NAPB: variants seen among roughly 807,000 people sequenced by gnomAD.
The protein encoded by NAPB is NSF attachment protein beta.
A neutral mutation model predicts 44.7 loss-of-function variants in NAPB; 26 were observed. That is an observed-to-expected ratio of 0.58 (90% CI 0.43 to 0.81). The LOEUF is 0.81. NAPB is among the 30% of genes least tolerant of loss of function. The pLI, the probability that NAPB is intolerant of heterozygous loss-of-function variation, is 0.00. For synonymous variants in NAPB, 120 were observed against 116.8 expected, an observed-to-expected ratio of 1.03 and a Z score of -0.18; for missense variants, 315 against 356.4, an observed-to-expected ratio of 0.88 and a Z score of 0.94.
intron 1 of NAPB, among the ~76,000 whole-genome samples, chr20:23,417,475 T>C (rs940966383): frequency 3.3e-5 from 5 of 152,172 alleles, no homozygotes; most frequent in African/African-American, 4.8e-5. Context: ...GGGATAGTAT[T>C]ATAAGAGGCT....
rs1982433323 is a variant in NAPB at position 23,375,417 on chromosome 20, C to G, written c.*1959G>C. 6.6e-6 allele frequency: 1 copy of G among 152,150 alleles called. No individual in the cohort carries two copies. The highest frequency in any genetic ancestry group is 1.5e-5 in the Non-Finnish European group (1 of 68,018). 9.4% of individuals were successfully genotyped at this position (152,150 alleles called of 1,614,324 possible). On this transcript the variant is annotated 3_prime_UTR_variant, in exon 11 of 11. Transcript: ENST00000377026. ...AGAAGATTCTTTAAACAAGTAGAAA[C>G]AAACTACTTAAAACCAGAGGACTCA...
At chr20:23,391,786 T>C (rs985770194) in intron 5 of NAPB, among the ~76,000 whole-genome samples, 8 of 152,344 alleles carry the variant, frequency 5.3e-5, no homozygotes, top group African/African-American at 1.9e-4. Context: ...TCTCAAGGAT[T>C]AAAAACCGTA....
chr20:23,402,878 T>G (rs1203607773), intron 2 of NAPB, 115 bp downstream of exon 2: 1 of 748,444 alleles, frequency 1.3e-6, no homozygotes, highest in Non-Finnish European at 2.2e-6. Context: ...TATTCAGCAC[T>G]GACATCTGTC....
chr20:23,397,072 C>T lies in NAPB; in HGVS notation c.295G>A (p.Glu99Lys). Reference protein sequence around the residue: ...GNAYKKADPQEAINCLNAAID... With the variant: ...GNAYKKADPQKAINCLNAAID... ...CATGCTACATGCCTGGCTGTCTTAC[C>T]TTGGGGATCTGCCTTTTTGTAAGCA... Residue 99 changes from glutamate (E) to lysine (K), a missense_variant and splice_region_variant, in exon 3 of 11, where the codon GAG (glutamate) becomes AAG (lysine). Glu to Lys is a moderately conservative substitution (Grantham distance 56). Around this residue, in one of 3 missense-constraint regions of NAPB, gnomAD observed 179 missense variants for 182.5 expected, o/e 0.98. Transcript: ENST00000377026. 6.2e-7 allele frequency: 1 copy of T among 1,612,448 alleles called. No individual in the cohort carries two copies. Among genetic ancestry groups the T allele is most frequent in the Non-Finnish European group, 8.5e-7 (1 of 1,178,740 alleles).
chr20:23,389,815 A>G, intron 7 of NAPB, 131 bp downstream of exon 7: 1 of 706,320 alleles, frequency 1.4e-6, no homozygotes, highest in Non-Finnish European at 2.4e-6. Context: ...CTTTGTGAAC[A>G]GACTAAAAAC....
intron 1 of NAPB, among the ~76,000 whole-genome samples, chr20:23,408,483 G>C (rs1242553051): frequency 6.6e-6 from 1 of 152,194 alleles, no homozygotes; most frequent in Non-Finnish European, 1.5e-5. Context: ...TTCAAAATCT[G>C]TCTGAACGTG....
intron 2 of NAPB, among the ~76,000 whole-genome samples, chr20:23,398,854 A>ATTTTTTTTTTTTTTTTTTTTT (rs34074566): frequency 2.2e-5 from 2 of 90,428 alleles, no homozygotes; most frequent in East Asian, 3.8e-4. Context: ...CAAAAAAAAA[A>ATTTTTTTTTTTTTTTTTTTTT]TTTTTTTTTT....
intron 2 of NAPB, among the ~76,000 whole-genome samples, chr20:23,400,231 G>A (rs1984731581): frequency 6.6e-6 from 1 of 152,138 alleles, no homozygotes; most frequent in Non-Finnish European, 1.5e-5. Context: ...ATCTAAACTT[G>A]GAAGTGTTGG....
intron 1 of NAPB, among the ~76,000 whole-genome samples, chr20:23,405,664 C>T (rs1985200976): frequency 6.6e-6 from 1 of 152,108 alleles, no homozygotes; most frequent in Non-Finnish European, 1.5e-5. Flanking sequence ...GCGGAGGATG[C>T]ACTGAGCCGA....
chr20:23,379,234 A>T, intron 10 of NAPB: 1 of 459,422 alleles, frequency 2.2e-6, no homozygotes, highest in Non-Finnish European at 3.8e-6. Flanking sequence ...CTCACAGCTA[A>T]ATTAGTTTTG....
At chr20:23,378,777 T>C (rs1477804369) in intron 10 of NAPB, 1 of 149,980 alleles carries the variant, frequency 6.7e-6, no homozygotes, top group African/African-American at 2.4e-5. Context: ...ATACAGCAAA[T>C]TCTCACTACT....
At chr20:23,400,160 G>A (rs1024537811) in intron 2 of NAPB, among the ~76,000 whole-genome samples, 2 of 152,118 alleles carry the variant, frequency 1.3e-5, no homozygotes, top group Admixed American at 6.5e-5. Flanking sequence ...ACGAGTTGCT[G>A]GCTTACTTTT....
At chr20:23,419,365 T>A (rs772830876) in intron 1 of NAPB, among the ~76,000 whole-genome samples, 7 of 152,240 alleles carry the variant, frequency 4.6e-5, no homozygotes, top group African/African-American at 1.2e-4. Context: ...AAAAGGGAGA[T>A]GTTTCTTTAA....
chr20:23,417,432 T>A (rs1760595819), intron 1 of NAPB, among the ~76,000 whole-genome samples: 1 of 152,218 alleles, frequency 6.6e-6, no homozygotes. Context: ...GTGCAGGTTA[T>A]TCCCAACCGG....
intron 1 of NAPB, among the ~76,000 whole-genome samples, chr20:23,411,191 G>A (rs1285673419): frequency 5.3e-5 from 8 of 152,126 alleles, no homozygotes; most frequent in African/African-American, 1.7e-4. Context: ...GGCATGAATC[G>A]AAATACTGAA....
Position 23,395,159 on chromosome 20 carries a change from T to G in NAPB, c.322A>C (p.Ile108Leu). 1 of 1,614,214 alleles carries G rather than the reference T, an allele frequency of 6.2e-7. No homozygotes were observed. The highest frequency in any genetic ancestry group is 1.6e-4 in the Middle Eastern group (1 of 6,062). The change falls in exon 4 of 11, where the codon ATC (isoleucine) becomes CTC (leucine). Residue 108 changes from isoleucine to leucine, a missense_variant. Physicochemically the swap from Ile to Leu is conservative, Grantham distance 5. Transcript: ENST00000377026. ...CTTACCATGTCTGTGTAAATGTCGA[T>G]GGCTGCATTTAAGCAGTTGATAGCC... ...QEAINCLNAA[I>L]DIYTDMGRFT...
At chr20:23,400,392 T>C (rs568356702) in intron 2 of NAPB, among the ~76,000 whole-genome samples, 116 of 152,272 alleles carry the variant, frequency 7.6e-4, no homozygotes, top group African/African-American at 2.7e-3. Context: ...GGCACATGCC[T>C]GTAATCCCAG....
At position 23,381,311 on chromosome 20, in the gene NAPB, C is replaced by A; in HGVS notation, c.568G>T (p.Ala190Ser). The A allele has an allele frequency of 6.3e-7, 1 of 1,575,090 alleles. No individual in the cohort carries two copies. The highest frequency in any genetic ancestry group is 1.2e-5 in the South Asian group (1 of 86,276). Residue 190 changes from alanine to serine, a missense_variant, in exon 8 of 11, where the codon GCA becomes TCA. Physicochemically the swap from Ala to Ser is moderately conservative, Grantham distance 99. This residue lies in a region of NAPB where 120 missense variants were observed against 130.5 expected (regional missense o/e 0.92). Transcript: ENST00000377026. Reference protein sequence around the residue: ...KAIEIYEQVGANTMDNPLLKY... With the variant: ...KAIEIYEQVGSNTMDNPLLKY... ...AACAAAGGATTATCCATTGTGTTTGCCCCAACCTAGGCACAGAACGCAGAG... is the reference window on the plus strand; with the variant it reads ...AACAAAGGATTATCCATTGTGTTTGACCCAACCTAGGCACAGAACGCAGAG...
intron 7 of NAPB, 126 bp downstream of exon 7, chr20:23,389,820 A>T: frequency 1.3e-6 from 1 of 751,666 alleles, no homozygotes; most frequent in Non-Finnish European, 2.2e-6. Context: ...TGAACAGACT[A>T]AAAACCGCTG....
Sources: gnomAD v4.1 joint callset for allele counts (sites outside exome capture counted in the v4.1 genomes callset) on GRCh38, gnomAD v4.1.1 for gene constraint, gnomAD v4.1.1 regional missense constraint, MANE v1.5 for transcripts, NCBI Gene and HGNC (gene_info 2026-07-23, HGNC 2026-07-21) for gene names.